Variants in RGS17 observed in about 807,000 individuals in gnomAD.
The protein encoded by RGS17 is regulator of G-protein signaling 17.
A neutral mutation model predicts 25.5 loss-of-function variants in RGS17; 12 were observed. The ratio of observed to expected loss-of-function variants is 0.47; its 90% CI spans 0.30 to 0.76. The LOEUF (loss-of-function observed/expected upper bound fraction) is 0.76, where lower values mean the gene tolerates loss of function less well. Ranked by LOEUF, RGS17 falls within the 30% of genes least tolerant of loss-of-function variation. RGS17 has a pLI of 0.07. For synonymous variants in RGS17, 71 were observed against 76.9 expected, an observed-to-expected ratio of 0.92 and a Z score of 0.40; for missense variants, 196 against 242.2, an observed-to-expected ratio of 0.81 and a Z score of 1.27.
rs1272019718 is a variant in RGS17, at chr6:153,008,406, G to C, written c.*3168C>G. 1 of 151,600 alleles carries C rather than the reference G, an allele frequency of 6.6e-6. No homozygotes were observed. The highest frequency in any genetic ancestry group is 1.5e-5 in the Non-Finnish European group (1 of 67,944). 9.4% of individuals were successfully genotyped at this position (151,600 alleles called of 1,614,324 possible). ...AGTATCAAAGTTGTGTTTTGCTCTT[G>C]TTGTTCATGTGCACACTCCAACACT... On this transcript the variant is annotated 3_prime_UTR_variant, in exon 5 of 5. Coordinates refer to ENST00000206262, the MANE Select transcript of RGS17 (RefSeq NM_012419.5).
chr6:153,092,764 C>G (rs1777150993), intron 1 of RGS17, among the ~76,000 whole-genome samples: 1 of 152,196 alleles, frequency 6.6e-6, no homozygotes, highest in Non-Finnish European at 1.5e-5. Flanking sequence ...TCTGATGACT[C>G]ATATAACTTG....
chr6:153,102,180 G>T (rs1777314031), intron 1 of RGS17, among the ~76,000 whole-genome samples: 1 of 152,198 alleles, frequency 6.6e-6, no homozygotes, highest in Non-Finnish European at 1.5e-5. Flanking sequence ...TGCTCTGAGA[G>T]AGTCTGATGG....
At chr6:153,122,891 T>C (rs1220360774) in intron 1 of RGS17, among the ~76,000 whole-genome samples, 2 of 151,444 alleles carry the variant, frequency 1.3e-5, no homozygotes, top group Non-Finnish European at 3.0e-5. Flanking sequence ...AAACAGTAGG[T>C]AGGGAAAATG....
At chr6:153,015,165 AAGTGGTTTCTTGAG>A (rs1417450674) in intron 4 of RGS17, among the ~76,000 whole-genome samples, 3 of 152,212 alleles carry the variant, frequency 2.0e-5, no homozygotes, top group Non-Finnish European at 4.4e-5. Context: ...TGAGCAAAGA[AAGTGGTTTCTTGAG>A]ATGGAATCTA....
intron 1 of RGS17, among the ~76,000 whole-genome samples, chr6:153,111,986 GC>G (rs763070934): frequency 6.6e-6 from 1 of 152,170 alleles, no homozygotes; most frequent in Non-Finnish European, 1.5e-5. Flanking sequence ...AAAAGCCAGT[GC>G]AAAAAGGCTG....
intron 1 of RGS17, among the ~76,000 whole-genome samples, chr6:153,105,351 T>C (rs1777363463): frequency 6.6e-6 from 1 of 152,114 alleles, no homozygotes; most frequent in Non-Finnish European, 1.5e-5. Flanking sequence ...CAAATAAATA[T>C]TTATTAAGGA....
At chr6:153,081,895 ATAACTT>A (rs1776991962) in intron 1 of RGS17, among the ~76,000 whole-genome samples, 1 of 152,220 alleles carries the variant, frequency 6.6e-6, no homozygotes, top group South Asian at 2.1e-4. Flanking sequence ...TTGTGGCTGA[ATAACTT>A]TAATACTTCT....
At chr6:153,023,556 AT>A (rs1445342697) in intron 4 of RGS17, among the ~76,000 whole-genome samples, 1 of 152,242 alleles carries the variant, frequency 6.6e-6, no homozygotes, top group East Asian at 1.9e-4. Context: ...GAAAAGTGCT[AT>A]TTGGTTGCTA....
chr6:153,097,976 C>G (rs539612574), intron 1 of RGS17, among the ~76,000 whole-genome samples: 1 of 152,148 alleles, frequency 6.6e-6, no homozygotes, highest in Non-Finnish European at 1.5e-5. Context: ...ATTCTTCTCA[C>G]TCCTCATTGC....
rs1203412081 is a variant in RGS17, at chr6:153,130,937, G to A, written c.-26+187C>T. 6.6e-6 allele frequency among the ~76,000 whole-genome samples: 1 copy of A among 151,662 alleles called. No homozygotes were observed. The highest frequency in any genetic ancestry group is 1.5e-5 in the Non-Finnish European group (1 of 67,866). On this transcript the variant is annotated intron_variant, in intron 1 of 4. Coordinates refer to ENST00000206262, the MANE Select transcript of RGS17 (RefSeq NM_012419.5). This position sits in a 1 kb window ranked among gnomAD's most constrained non-coding sequence, Gnocchi z 6.4. ...CGGCGCGGCCCCCGCTCCCGCTCAG[G>A]GCGCCGCGGCCACAGCTGAGACCCC...
chr6:153,020,580 T>C (rs1779238629), intron 4 of RGS17, among the ~76,000 whole-genome samples: 1 of 152,220 alleles, frequency 6.6e-6, no homozygotes, highest in Non-Finnish European at 1.5e-5. Flanking sequence ...GTTATCTATA[T>C]ATAAATGATT....
intron 1 of RGS17, among the ~76,000 whole-genome samples, chr6:153,112,309 G>A (rs183800711): frequency 5.9e-5 from 9 of 152,242 alleles, no homozygotes; most frequent in East Asian, 3.9e-4. Context: ...TTGATCAAGC[G>A]AAGAAAGGAT....
At chr6:153,090,762 G>T (rs995712325) in intron 1 of RGS17, among the ~76,000 whole-genome samples, 2 of 152,168 alleles carry the variant, frequency 1.3e-5, no homozygotes, top group African/African-American at 4.8e-5. Flanking sequence ...GCGTGTCCAT[G>T]CTGTATATGC....
At chr6:153,101,434 G>T (rs921784082) in intron 1 of RGS17, among the ~76,000 whole-genome samples, 30 of 152,174 alleles carry the variant, frequency 2.0e-4, no homozygotes, top group Non-Finnish European at 1.5e-4. Context: ...GAGGCCAAGG[G>T]AAGACTGCAT....
intron 4 of RGS17, among the ~76,000 whole-genome samples, chr6:153,023,144 C>A (rs937930572): frequency 6.6e-6 from 1 of 152,112 alleles, no homozygotes; most frequent in Non-Finnish European, 1.5e-5. Flanking sequence ...GTTTATGTAG[C>A]ATTCCAAACT....
Position 153,079,569 on chromosome 6 carries a change from GCTTT to G in RGS17, c.-25-35530_-25-35527del, listed in dbSNP as rs1373472981. Among the ~76,000 whole-genome samples the G allele has an allele frequency of 5.3e-5, 8 of 152,148 alleles. No homozygotes were observed. The South Asian group carries it at 1.2e-3, about 24-fold the overall frequency. ...AAATATGTACTGATGTGATCATATGGCTTTCTTTTTTATTTCACTAATACAAGAA... is the reference window on the plus strand; with the variant it reads ...AAATATGTACTGATGTGATCATATGGCTTTTTTATTTCACTAATACAAGAA... On this transcript the variant is annotated intron_variant, in intron 1 of 4. Coordinates refer to ENST00000206262, the MANE Select transcript of RGS17 (RefSeq NM_012419.5).
intron 1 of RGS17, among the ~76,000 whole-genome samples, chr6:153,095,726 G>A (rs1225048743): frequency 6.6e-6 from 1 of 152,118 alleles, no homozygotes; most frequent in Non-Finnish European, 1.5e-5. Flanking sequence ...TATTTGTTGA[G>A]GAATAAAAGG....
chr6:153,095,469 T>C lies in RGS17; in HGVS notation c.-26+35655A>G, dbSNP rs552625498. ...ACACTTAAAAAAATAAATTTTGAAA[T>C]TAAATACCAGGTGTATTTACTCTAG... On this transcript the variant is annotated intron_variant, in intron 1 of 4. Transcript: ENST00000206262. Among the ~76,000 whole-genome samples, 13 of 152,284 alleles carry C rather than the reference T, an allele frequency of 8.5e-5. No homozygotes were observed. In the East Asian group the frequency reaches 2.5e-3, roughly 29 times the overall value.
chr6:153,026,537 A>G lies in RGS17; in HGVS notation c.126T>C (p.Thr42=), dbSNP rs750254403. The G allele has an allele frequency of 7.4e-6, 12 of 1,611,000 alleles. No homozygotes were observed. Among genetic ancestry groups the G allele is most frequent in the African/African-American group, 1.3e-5 (1 of 74,970 alleles). The change falls in exon 3 of 5, where the codon ACT becomes ACC. Residue 42 remains threonine (T), a synonymous_variant. Coordinates refer to ENST00000206262, the MANE Select transcript of RGS17 (RefSeq NM_012419.5). ...TTTCCCCTCTTTCTTCATTCCTCAC[A>G]GTGAGGCTGTAATGTAACAGAACAT... The part of the protein sequence containing the change: ...WCCCCSCSCL[T]VRNEERGENA...
Sources: allele counts gnomAD v4.1 joint callset (sites outside exome capture counted in the v4.1 genomes callset), GRCh38; gene constraint gnomAD v4.1.1; non-coding constraint Gnocchi (gnomAD v3.1); transcripts MANE v1.5; gene names NCBI Gene and HGNC (gene_info 2026-07-23, HGNC 2026-07-21).